Variants in ENAH observed in about 807,000 individuals in gnomAD.
ENAH encodes the protein protein enabled homolog.
A neutral mutation model predicts 78.7 loss-of-function variants in ENAH; 23 were observed. The observed-to-expected ratio is 0.29, with a 90% CI of 0.21 to 0.41. The LOEUF (loss-of-function observed/expected upper bound fraction) is 0.41, where lower values mean the gene tolerates loss of function less well. Ranked by LOEUF, ENAH falls within the 10% of genes least tolerant of loss-of-function variation. The pLI is 1.00. For missense variants in ENAH, 544 were observed against 691.0 expected (o/e 0.79, Z 2.39); for synonymous variants, 226 against 241.0 (o/e 0.94, Z 0.58).
intron 1 of ENAH, among the ~76,000 whole-genome samples, chr1:225,577,900 G>A (rs1226693434): frequency 2.0e-5 from 3 of 152,134 alleles, no homozygotes; most frequent in South Asian, 2.1e-4. Flanking sequence ...TCAATAGGGA[G>A]TAATCTTTTT....
chr1:225,622,803 T>A (rs116354030), intron 1 of ENAH, among the ~76,000 whole-genome samples: 4 of 152,110 alleles, frequency 2.6e-5, no homozygotes, highest in Non-Finnish European at 5.9e-5. Flanking sequence ...CAGAATGACA[T>A]AACCACAAGC....
At chr1:225,570,330 T>C (rs184548145) in intron 1 of ENAH, among the ~76,000 whole-genome samples, 1 of 152,224 alleles carries the variant, frequency 6.6e-6, no homozygotes, top group Non-Finnish European at 1.5e-5. Flanking sequence ...AGAGACATCC[T>C]GCCATGTACG....
intron 6 of ENAH, 35 bp downstream of exon 6, chr1:225,517,161 T>A (rs1209593882): frequency 7.5e-6 from 11 of 1,462,144 alleles, no homozygotes; most frequent in African/African-American, 7.1e-5. Context: ...CATTTTCAAG[T>A]GATTAGCTGT....
At chr1:225,525,112 G>C (rs933375768) in intron 4 of ENAH, among the ~76,000 whole-genome samples, 1 of 151,910 alleles carries the variant, frequency 6.6e-6, no homozygotes, top group Non-Finnish European at 1.5e-5. Context: ...CAATACTCTG[G>C]TACTTATCAC....
chr1:225,539,631 T>C (rs1214973687), intron 3 of ENAH, among the ~76,000 whole-genome samples: 2 of 152,184 alleles, frequency 1.3e-5, no homozygotes, highest in Non-Finnish European at 2.9e-5. Context: ...CCACTGCTCT[T>C]AAGATAAATA....
At chr1:225,514,229 T>C (rs1157373801) in intron 7 of ENAH, among the ~76,000 whole-genome samples, 1 of 152,000 alleles carries the variant, frequency 6.6e-6, no homozygotes, top group Non-Finnish European at 1.5e-5. Flanking sequence ...CGCAGTGGCA[T>C]GATCTCGGCT....
intron 12 of ENAH, among the ~76,000 whole-genome samples, chr1:225,499,934 C>G (rs1157263099): frequency 3.9e-5 from 6 of 152,166 alleles, no homozygotes; most frequent in Admixed American, 3.9e-4. Flanking sequence ...GACTGAGACA[C>G]AGAAGTTATT....
chr1:225,512,522 T>C, intron 9 of ENAH, 135 bp downstream of exon 9: 2 of 825,670 alleles, frequency 2.4e-6, no homozygotes, highest in Non-Finnish European at 3.7e-6. Context: ...CCACTTCACA[T>C]GCATAGTTAA....
chr1:225,514,339 T>C (rs1020436972), intron 7 of ENAH, among the ~76,000 whole-genome samples: 5 of 151,998 alleles, frequency 3.3e-5, no homozygotes, highest in African/African-American at 9.7e-5. Context: ...CTAAGTTTTG[T>C]ATTTTTAGTG....
intron 12 of ENAH, among the ~76,000 whole-genome samples, chr1:225,498,969 A>G (rs1450576566): frequency 2.0e-5 from 3 of 152,176 alleles, no homozygotes; most frequent in African/African-American, 7.2e-5. Flanking sequence ...ATGCTGTCCA[A>G]TACGGCAGGC....
At chr1:225,621,572 G>A (rs556014073) in intron 1 of ENAH, among the ~76,000 whole-genome samples, 5 of 152,232 alleles carry the variant, frequency 3.3e-5, no homozygotes, top group South Asian at 4.2e-4. Flanking sequence ...GATTACAGGC[G>A]TGAGCCACCG....
At chr1:225,617,771 A>G (rs539264645) in intron 1 of ENAH, among the ~76,000 whole-genome samples, 5 of 152,158 alleles carry the variant, frequency 3.3e-5, no homozygotes, top group African/African-American at 1.2e-4. Context: ...TCCAACACAC[A>G]ATATGAATAA....
At chr1:225,500,707 G>A (rs1245291432) in intron 12 of ENAH, among the ~76,000 whole-genome samples, 1 of 152,116 alleles carries the variant, frequency 6.6e-6, no homozygotes, top group African/African-American at 2.4e-5. Flanking sequence ...AAAGCCCATT[G>A]TTTTCTTTAC....
intron 1 of ENAH, among the ~76,000 whole-genome samples, chr1:225,614,991 CCGGTCTCCCTCTCCCTCCA>C (rs1449059855): frequency 5.9e-5 from 9 of 151,924 alleles, no homozygotes; most frequent in Non-Finnish European, 7.4e-5. Context: ...CTCCCTCTCC[CCGGTCTCCCTCTCCCTCCA>C]CGGTCTCCCT....
At chr1:225,630,974 T>C (rs939374908) in intron 1 of ENAH, among the ~76,000 whole-genome samples, 1 of 152,214 alleles carries the variant, frequency 6.6e-6, no homozygotes, top group Non-Finnish European at 1.5e-5. Flanking sequence ...CATTTTATTG[T>C]ATCTTCTAGT....
intron 8 of ENAH, 77 bp from the exon 9 acceptor site, chr1:225,512,791 G>C: frequency 6.2e-7 from 1 of 1,607,952 alleles, no homozygotes; most frequent in South Asian, 1.1e-5. Flanking sequence ...GAGGAAAGAA[G>C]TGCATCTAGT....
chr1:225,573,061 G>C (rs1043323084), intron 1 of ENAH, among the ~76,000 whole-genome samples: 1 of 152,186 alleles, frequency 6.6e-6, no homozygotes, highest in Non-Finnish European at 1.5e-5. Flanking sequence ...CGCTTGCCAA[G>C]TTCTATTCTC....
chr1:225,537,739 C>T (rs7545317), intron 3 of ENAH, among the ~76,000 whole-genome samples: 137,038 of 150,902 alleles, frequency 0.91, 62,375 homozygotes, highest in African/African-American at 0.96. Context: ...TTTTTTTTCA[C>T]GGCTGTCCCT....
At chr1:225,615,095 G>C (rs542371467) in intron 1 of ENAH, among the ~76,000 whole-genome samples, 115 of 151,976 alleles carry the variant, frequency 7.6e-4, no homozygotes, top group African/African-American at 2.8e-3. Flanking sequence ...GATGCCGAGC[G>C]GAGGCTGGAC....
Sources: gnomAD v4.1 joint callset for allele counts (sites outside exome capture counted in the v4.1 genomes callset) on GRCh38, gnomAD v4.1.1 for gene constraint, MANE v1.5 for transcripts, NCBI Gene and HGNC (gene_info 2026-07-23, HGNC 2026-07-21) for gene names.